MEMO1: variants seen among roughly 807,000 people sequenced by gnomAD.
MEMO1 encodes mediator of cell motility 1.
In MEMO1, 6 loss-of-function variants were observed where a neutral mutation model predicts 45.2. The ratio of observed to expected loss-of-function variants is 0.13; its 90% CI spans 0.07 to 0.26. The LOEUF (loss-of-function observed/expected upper bound fraction) is 0.26. Ranked by LOEUF, MEMO1 falls within the 10% of genes least tolerant of loss-of-function variation. The pLI is 1.00. For missense variants in MEMO1, 184 were observed against 370.5 expected (o/e 0.50, Z 4.13); for synonymous variants, 78 against 124.3 (o/e 0.63, Z 2.48).
chr2:31,923,213 A>C (rs926463092), intron 4 of MEMO1, among the ~76,000 whole-genome samples: 3 of 152,066 alleles, frequency 2.0e-5, no homozygotes, highest in Non-Finnish European at 4.4e-5. Context: ...GCATCTCTCT[A>C]GTGATTAGTG....
intron 4 of MEMO1, among the ~76,000 whole-genome samples, chr2:31,925,677 T>C (rs1369044155): frequency 1.3e-5 from 2 of 152,072 alleles, no homozygotes; most frequent in East Asian, 1.9e-4. Context: ...GGAAGTTATT[T>C]ACTTTTTTCA....
intron 6 of MEMO1, among the ~76,000 whole-genome samples, chr2:31,910,099 A>T (rs1227851160): frequency 6.6e-6 from 1 of 152,140 alleles, no homozygotes; most frequent in Non-Finnish European, 1.5e-5. Flanking sequence ...GAAGTGATAA[A>T]ATAAAGTGCT....
chr2:31,952,071 A>G (rs1666906294), intron 2 of MEMO1, among the ~76,000 whole-genome samples: 1 of 152,184 alleles, frequency 6.6e-6, no homozygotes, highest in Admixed American at 6.5e-5. Flanking sequence ...GAACTGTCAC[A>G]GCAAGTCTGA....
chr2:31,895,876 G>C (rs576476998), intron 6 of MEMO1, among the ~76,000 whole-genome samples: 1 of 122,122 alleles, frequency 8.2e-6, no homozygotes, highest in Non-Finnish European at 1.6e-5. Flanking sequence ...ACGGAGTCTC[G>C]CTGTCGCCCA....
intron 3 of MEMO1, among the ~76,000 whole-genome samples, chr2:31,938,700 A>T (rs1428020036): frequency 6.6e-6 from 1 of 152,126 alleles, no homozygotes; most frequent in African/African-American, 2.4e-5. Flanking sequence ...TAGAGAGCTA[A>T]CATTTATAAA....
At chr2:31,994,824 T>C (rs1053134458) in intron 2 of MEMO1, among the ~76,000 whole-genome samples, 1 of 152,030 alleles carries the variant, frequency 6.6e-6, no homozygotes, top group African/African-American at 2.4e-5. Flanking sequence ...GGTGCACACC[T>C]GTAGTCCCAG....
chr2:31,920,347 A>G (rs1299239442), intron 5 of MEMO1, among the ~76,000 whole-genome samples: 1 of 152,178 alleles, frequency 6.6e-6, no homozygotes, highest in Non-Finnish European at 1.5e-5. Flanking sequence ...CCTTTCTTTC[A>G]GAGTTTCATA....
chr2:31,872,699 A>C (rs974706989), intron 8 of MEMO1, among the ~76,000 whole-genome samples: 2 of 152,186 alleles, frequency 1.3e-5, no homozygotes, highest in Admixed American at 6.5e-5. Context: ...GATGGGAGTT[A>C]AGAAATTAAA....
intron 5 of MEMO1, 115 bp from the exon 6 acceptor site, chr2:31,918,152 T>A: frequency 2.0e-6 from 1 of 505,674 alleles, no homozygotes. Flanking sequence ...AGAAACACCA[T>A]ATAATATTCT....
chr2:31,920,775 C>A (rs1330810170), intron 5 of MEMO1, 23 bp downstream of exon 5: 2 of 1,364,418 alleles, frequency 1.5e-6, no homozygotes, highest in South Asian at 1.5e-5. Context: ...TATTTGAAAG[C>A]TATAATATTT....
chr2:32,002,162 A>ATAT (rs1297586843), intron 2 of MEMO1, among the ~76,000 whole-genome samples: 32 of 124,592 alleles, frequency 2.6e-4, no homozygotes, highest in African/African-American at 1.0e-3. Context: ...AAAAAAAAAA[A>ATAT]AAAAAAATAT....
chr2:31,902,780 C>A (rs1679060970), intron 6 of MEMO1, among the ~76,000 whole-genome samples: 1 of 151,950 alleles, frequency 6.6e-6, no homozygotes, highest in Admixed American at 6.6e-5. Flanking sequence ...GACACAGGAT[C>A]TTGCTCTGTC....
At position 31,972,665 on chromosome 2, in the gene MEMO1, C is replaced by A. The variant is rs554526887; in HGVS notation, c.62-29282G>T. On this transcript the variant is annotated intron_variant, in intron 2 of 9. Transcript: ENST00000404530. Reference sequence around the variant, plus strand: ...GATGGAGGTTGCAGTGAGCCAAGATCGTGCTACTGCACTCCAGCCTAGGCA... The same window carrying A: ...GATGGAGGTTGCAGTGAGCCAAGATAGTGCTACTGCACTCCAGCCTAGGCA... Among the ~76,000 whole-genome samples, 5 of 152,144 alleles carry A rather than the reference C, an allele frequency of 3.3e-5. 1 individual carries two copies. In the South Asian group the frequency reaches 8.3e-4, roughly 25 times the overall value.
chr2:31,869,070 A>G (rs780040486), intron 9 of MEMO1, among the ~76,000 whole-genome samples: 1 of 152,214 alleles, frequency 6.6e-6, no homozygotes, highest in Non-Finnish European at 1.5e-5. Context: ...GAGTCAATCA[A>G]TACAGCTTAG....
At chr2:31,881,495 T>TAAAAAAAAAAAAAAAAAAAAAAAAAAAA (rs34058748) in intron 8 of MEMO1, among the ~76,000 whole-genome samples, 1 of 68,430 alleles carries the variant, frequency 1.5e-5, no homozygotes, top group African/African-American at 6.0e-5. Flanking sequence ...AGCCTGTCTT[T>TAAAAAAAAAAAAAAAAAAAAAAAAAAAA]AAAAAAAAAA....
chr2:31,965,536 A>G (rs1222007726), intron 2 of MEMO1, among the ~76,000 whole-genome samples: 2 of 152,166 alleles, frequency 1.3e-5, no homozygotes, highest in Non-Finnish European at 2.9e-5. Context: ...ATGAGAACAA[A>G]GTAAATATAA....
At chr2:31,973,323 G>A (rs879731346) in intron 2 of MEMO1, among the ~76,000 whole-genome samples, 2 of 151,880 alleles carry the variant, frequency 1.3e-5, no homozygotes, top group South Asian at 2.1e-4. Flanking sequence ...GTGTGGTGGC[G>A]GGTGCCTGTA....
At chr2:31,966,146 G>C (rs2148433740) in intron 2 of MEMO1, among the ~76,000 whole-genome samples, 1 of 152,250 alleles carries the variant, frequency 6.6e-6, no homozygotes, top group East Asian at 1.9e-4. Context: ...CATTCAAAAA[G>C]TGAGAAAACT....
intron 6 of MEMO1, among the ~76,000 whole-genome samples, chr2:31,916,132 A>G (rs1177634343): frequency 1.3e-5 from 2 of 152,170 alleles, no homozygotes; most frequent in Non-Finnish European, 2.9e-5. Flanking sequence ...ATGTTCCACA[A>G]TATACATGTT....
Sources: allele counts gnomAD v4.1 joint callset (sites outside exome capture counted in the v4.1 genomes callset), GRCh38; gene constraint gnomAD v4.1.1; transcripts MANE v1.5; gene names NCBI Gene and HGNC (gene_info 2026-07-23, HGNC 2026-07-21).